The following SINHCAF variants were observed in gnomAD, a reference collection of about 807,000 sequenced individuals.
The protein encoded by SINHCAF is SIN3-HDAC complex associated factor.
Under a neutral mutation model 25.8 loss-of-function variants are expected in SINHCAF, and 3 were observed. The ratio of observed to expected loss-of-function variants is 0.12; its 90% CI spans 0.05 to 0.30. The LOEUF (loss-of-function observed/expected upper bound fraction) is 0.30, where lower values mean the gene tolerates loss of function less well. SINHCAF is among the 10% of genes least tolerant of loss of function. The probability of loss-of-function intolerance (pLI) is 1.00; values close to 1 mark genes in which losing one functional copy is unlikely to be tolerated. For synonymous variants in SINHCAF, 70 were observed against 85.5 expected, an observed-to-expected ratio of 0.82 and a Z score of 1.00; for missense variants, 121 against 262.3, an observed-to-expected ratio of 0.46 and a Z score of 3.72.
chr12:31,283,585 A>G (rs544917626), intron 5 of SINHCAF, among the ~76,000 whole-genome samples: 3 of 152,202 alleles, frequency 2.0e-5, no homozygotes, highest in Admixed American at 2.0e-4. Flanking sequence ...CCTGGGAGAC[A>G]GAGCAAAACT....
chr12:31,306,193 G>A (rs969688596), intron 1 of SINHCAF, among the ~76,000 whole-genome samples: 2 of 152,104 alleles, frequency 1.3e-5, no homozygotes, highest in Non-Finnish European at 2.9e-5. Context: ...ATATTTATAT[G>A]CTTAAGATGG....
chr12:31,287,730 T>C lies in SINHCAF; in HGVS notation c.410A>G (p.Tyr137Cys). Residue 137 changes from tyrosine to cysteine, a missense_variant, in exon 5 of 6, where the codon TAC (tyrosine) becomes TGC (cysteine). Tyr to Cys is a radical substitution (Grantham distance 194). Transcript: ENST00000337682. The stretch of plus-strand genomic sequence containing the variant: ...TGAGCCGTCATCTGACTGGTTACTG[T>C]AACAAGGAGATTGAGCTGGGGAGGC... ...SSASPAQSPC[Y>C]SNQSDDGSDT... 1 of 1,611,406 alleles carries C rather than the reference T, an allele frequency of 6.2e-7. No individual in the cohort carries two copies. The highest frequency in any genetic ancestry group is 8.5e-7 in the Non-Finnish European group (1 of 1,178,486).
chr12:31,312,831 G>T (rs1939327896), intron 1 of SINHCAF, among the ~76,000 whole-genome samples: 1 of 152,106 alleles, frequency 6.6e-6, no homozygotes, highest in East Asian at 1.9e-4. Flanking sequence ...AGAAATCTTT[G>T]CTTTCCTCCA....
chr12:31,286,920 T>A (rs1938105072), intron 5 of SINHCAF, among the ~76,000 whole-genome samples: 1 of 152,148 alleles, frequency 6.6e-6, no homozygotes, highest in South Asian at 2.1e-4. Flanking sequence ...TTTGTTTGTT[T>A]GTTTGTTTGT....
chr12:31,324,874 C>G lies in SINHCAF; in HGVS notation c.-21+1150G>C. ...AAACGCCCGGAGTATCCGCCCCGCACGGGCGGAGAGTTGGCGACTTTCACT... is the reference window on the plus strand; with the variant it reads ...AAACGCCCGGAGTATCCGCCCCGCAGGGGCGGAGAGTTGGCGACTTTCACT... On this transcript the variant is annotated intron_variant, in intron 1 of 5. Transcript: ENST00000337682. This position sits in a 1 kb window ranked among gnomAD's most constrained non-coding sequence, Gnocchi z 5.5. 2.3e-6 allele frequency: 1 copy of G among 432,848 alleles called. No individual in the cohort carries two copies. Among genetic ancestry groups the G allele is most frequent in the South Asian group, 1.6e-5 (1 of 62,112 alleles). 26.8% of individuals were successfully genotyped at this position (432,848 alleles called of 1,614,324 possible). A position where few individuals can be genotyped will look rare whatever the true frequency, so the allele number is the denominator to read the frequency against.
Position 31,325,027 on chromosome 12 carries a change from A to T in SINHCAF, c.-21+997T>A. On this transcript the variant is annotated intron_variant, in intron 1 of 5. Coordinates refer to ENST00000337682, the MANE Select transcript of SINHCAF (RefSeq NM_001135812.2). The surrounding 1 kb of genome is among the most constrained non-coding windows in gnomAD (Gnocchi z 5.9). ...ACATTCGGACAAGGACCAGGGTCGC[A>T]GCCCGAAGCACGTGGTCTGTCACGT... 1 of 456,806 alleles carries T rather than the reference A, an allele frequency of 2.2e-6. No individual in the cohort carries two copies. Among genetic ancestry groups the T allele is most frequent in the Non-Finnish European group, 4.4e-6 (1 of 226,984 alleles). 28.3% of individuals were successfully genotyped at this position (456,806 alleles called of 1,614,324 possible).
chr12:31,324,320 G>A lies in SINHCAF; in HGVS notation c.-21+1704C>T, dbSNP rs144307671. On this transcript the variant is annotated intron_variant, in intron 1 of 5. Coordinates refer to ENST00000337682, the MANE Select transcript of SINHCAF (RefSeq NM_001135812.2). This position sits in a 1 kb window ranked among gnomAD's most constrained non-coding sequence, Gnocchi z 5.5. ...GAACCCACAGACCTCCCAGACACAGGCTCCCGGGCCACGAGAAACCGGCCG... is the reference window on the plus strand; with the variant it reads ...GAACCCACAGACCTCCCAGACACAGACTCCCGGGCCACGAGAAACCGGCCG... 3.0e-5 allele frequency: 5 copies of A among 165,404 alleles called. No homozygotes were observed. In the East Asian group the frequency reaches 9.4e-4, roughly 31 times the overall value. 10.2% of individuals were successfully genotyped at this position (165,404 alleles called of 1,614,324 possible).
At chr12:31,285,301 T>C (rs1937995034) in intron 5 of SINHCAF, among the ~76,000 whole-genome samples, 1 of 151,540 alleles carries the variant, frequency 6.6e-6, no homozygotes, top group Non-Finnish European at 1.5e-5. Flanking sequence ...GACAGGAAAA[T>C]CGCTTGAACC....
chr12:31,317,131 T>C (rs1307549336), intron 1 of SINHCAF, among the ~76,000 whole-genome samples: 2 of 152,164 alleles, frequency 1.3e-5, no homozygotes, highest in Non-Finnish European at 2.9e-5. Context: ...GTGGACTAGA[T>C]GGAAGAAAAT....
chr12:31,312,030 G>T (rs556492913), intron 1 of SINHCAF: 4 of 622,916 alleles, frequency 6.4e-6, no homozygotes, highest in South Asian at 5.6e-5. Flanking sequence ...AGTAACTTTT[G>T]ATCAGAAAGA....
chr12:31,306,501 A>ACC (rs145329491), intron 1 of SINHCAF, among the ~76,000 whole-genome samples: 4 of 151,026 alleles, frequency 2.6e-5, no homozygotes, highest in African/African-American at 9.8e-5. Flanking sequence ...CGGGAAAAGT[A>ACC]CCCCCCCCTT....
In SINHCAF at chr12:31,325,926, G is replaced by C. The variant is rs1030846814; in HGVS notation, c.-21+98C>G. 6.6e-6 allele frequency: 1 copy of C among 152,206 alleles called. No individual in the cohort carries two copies. The highest frequency in any genetic ancestry group is 1.5e-5 in the Non-Finnish European group (1 of 68,088). The allele number at this position is 152,206 out of a possible 1,614,324, so 9.4% of individuals were successfully genotyped here. On this transcript the variant is annotated intron_variant, in intron 1 of 5. Transcript: ENST00000337682. The surrounding 1 kb of genome is among the most constrained non-coding windows in gnomAD (Gnocchi z 5.9). Reference sequence around the variant, plus strand: ...CTTCCTGTGTGTATGTGGAAGGACGGGGGGAGGTGGGTGGAGGTGAAAAGA... The same window carrying C: ...CTTCCTGTGTGTATGTGGAAGGACGCGGGGAGGTGGGTGGAGGTGAAAAGA...
At chr12:31,296,093 G>C (rs1216232837) in intron 2 of SINHCAF, among the ~76,000 whole-genome samples, 2 of 152,040 alleles carry the variant, frequency 1.3e-5, no homozygotes, top group African/African-American at 4.8e-5. Context: ...ACCTAAAAGA[G>C]ATTCTGATTA....
rs1939836132 is a variant in SINHCAF, at chr12:31,324,080, G to A, written c.-21+1944C>T. ...CGTCGGGAGGAAAGTTCCTGCGGGG[G>A]CCGCTCGCCGGGGCGAGGGCGAGGG... On this transcript the variant is annotated intron_variant, in intron 1 of 5. Coordinates refer to ENST00000337682, the MANE Select transcript of SINHCAF (RefSeq NM_001135812.2). This position sits in a 1 kb window ranked among gnomAD's most constrained non-coding sequence, Gnocchi z 5.5. The A allele has an allele frequency of 2.2e-6, 1 of 454,024 alleles. No homozygotes were observed. 28.1% of individuals were successfully genotyped at this position (454,024 alleles called of 1,614,324 possible).
At chr12:31,312,342 T>C (rs567372241) in intron 1 of SINHCAF, among the ~76,000 whole-genome samples, 1 of 152,190 alleles carries the variant, frequency 6.6e-6, no homozygotes, top group African/African-American at 2.4e-5. Flanking sequence ...GTTTTCAACA[T>C]TGTTTTACGT....
chr12:31,290,753 CTT>C (rs1263027332), intron 4 of SINHCAF, among the ~76,000 whole-genome samples: 1 of 152,020 alleles, frequency 6.6e-6, no homozygotes, highest in Non-Finnish European at 1.5e-5. Flanking sequence ...GAGTTTTGCT[CTT>C]GTTGCCCAGG....
At chr12:31,285,907 G>A (rs112783903) in intron 5 of SINHCAF, among the ~76,000 whole-genome samples, 18 of 151,504 alleles carry the variant, frequency 1.2e-4, no homozygotes, top group African/African-American at 2.7e-4. Context: ...CCCAGGAGGC[G>A]GACATTGCAG....
At chr12:31,313,276 C>T (rs1329225466) in intron 1 of SINHCAF, among the ~76,000 whole-genome samples, 12 of 152,200 alleles carry the variant, frequency 7.9e-5, no homozygotes, top group Non-Finnish European at 1.2e-4. Context: ...ATCCACCTGC[C>T]TCGGCCTCCC....
intron 1 of SINHCAF, among the ~76,000 whole-genome samples, chr12:31,320,590 T>C (rs922191491): frequency 6.6e-6 from 1 of 152,166 alleles, no homozygotes; most frequent in Admixed American, 6.5e-5. Context: ...CCAAGATTAA[T>C]ATAAACAGTA....
Sources: gnomAD v4.1 joint callset for allele counts (sites outside exome capture counted in the v4.1 genomes callset) on GRCh38, gnomAD v4.1.1 for gene constraint, Gnocchi (gnomAD v3.1) non-coding constraint, MANE v1.5 for transcripts, NCBI Gene and HGNC (gene_info 2026-07-23, HGNC 2026-07-21) for gene names.